The following ARID3A variants were observed in gnomAD, a reference collection of about 807,000 sequenced individuals.
The protein encoded by ARID3A is AT-rich interactive domain-containing protein 3A.
In ARID3A, 11 loss-of-function variants were observed where a neutral mutation model predicts 52.7. The observed-to-expected ratio is 0.21, with a 90% CI of 0.13 to 0.35. ARID3A has a LOEUF of 0.35. Ranked by LOEUF, ARID3A falls within the 10% of genes least tolerant of loss-of-function variation. ARID3A has a pLI of 1.00. For missense variants in ARID3A, 721 were observed against 838.5 expected (o/e 0.86, Z 1.73); for synonymous variants, 404 against 359.4 (o/e 1.12, Z -1.40).
intron 3 of ARID3A, among the ~76,000 whole-genome samples, chr19:948,615 CCTT>C (rs1472950763): frequency 1.3e-5 from 2 of 151,964 alleles, no homozygotes; most frequent in African/African-American, 4.8e-5. Context: ...CGTCTTCATT[CCTT>C]CTTCATTCCT....
Position 929,455 on chromosome 19 carries a change from C to T in ARID3A, c.-74C>T, listed in dbSNP as rs2037269733. ...GGCCGGGCCCCCTCCCCGCAGGGGC[C>T]GCCCCCGCCGCCCACCCCTAGCGCC... On this transcript the variant is annotated 5_prime_UTR_variant, in exon 2 of 9. Transcript: ENST00000263620. The surrounding 1 kb of genome is among the most constrained non-coding windows in gnomAD (Gnocchi z 6.2). 1.3e-5 allele frequency: 17 copies of T among 1,319,074 alleles called. No homozygotes were observed. The highest frequency in any genetic ancestry group is 3.4e-5 in the Admixed American group (1 of 29,788). The allele number at this position is 1,319,074 out of a possible 1,614,324, so 81.7% of individuals were successfully genotyped here.
rs2038105284 is a variant in ARID3A, at chr19:964,478, C to G, written c.950+47C>G. The G allele has an allele frequency of 1.3e-6, 2 of 1,523,892 alleles. No individual in the cohort carries two copies. The highest frequency in any genetic ancestry group is 1.8e-6 in the Non-Finnish European group (2 of 1,131,528). The allele number at this position is 1,523,892 out of a possible 1,614,324, so 94.4% of individuals were successfully genotyped here. On this transcript the variant is annotated intron_variant, in intron 5 of 8. Transcript: ENST00000263620. The surrounding 1 kb of genome is among the most constrained non-coding windows in gnomAD (Gnocchi z 5.7). ...CGAGGTCGGGCCAGGGCACTCTGAG[C>G]AGCCAGTGCAAGGGGCCTGCAGAAG...
chr19:931,581 G>C (rs1004811465), intron 2 of ARID3A, among the ~76,000 whole-genome samples: 2 of 152,200 alleles, frequency 1.3e-5, no homozygotes, highest in Admixed American at 6.5e-5. Flanking sequence ...GGGAGGCCGA[G>C]GTGGGCGGAT....
intron 3 of ARID3A, among the ~76,000 whole-genome samples, chr19:952,844 G>A (rs2037830587): frequency 6.6e-6 from 1 of 152,068 alleles, no homozygotes; most frequent in African/African-American, 2.4e-5. Context: ...CACCGCCCTG[G>A]GCCCCCCGCA....
intron 8 of ARID3A, among the ~76,000 whole-genome samples, chr19:971,216 C>A (rs1332820241): frequency 6.6e-6 from 1 of 152,142 alleles, no homozygotes; most frequent in Non-Finnish European, 1.5e-5. Context: ...GTCTGTAATC[C>A]CAGCACTTTG....
At chr19:963,894 T>C (rs2038093092) in intron 4 of ARID3A, among the ~76,000 whole-genome samples, 1 of 152,172 alleles carries the variant, frequency 6.6e-6, no homozygotes, top group Non-Finnish European at 1.5e-5. Context: ...TAGGCAGAGT[T>C]GTTTTGGCAG....
chr19:963,972 C>T (rs1296906457), intron 4 of ARID3A, among the ~76,000 whole-genome samples: 3 of 152,220 alleles, frequency 2.0e-5, no homozygotes, highest in Non-Finnish European at 4.4e-5. Flanking sequence ...TCCCTCCTCT[C>T]AGTAACCCTC....
rs545038847 is a variant in ARID3A at position 941,243 on chromosome 19, C to G, written c.693+8501C>G. Reference sequence around the variant, plus strand: ...GGGCGTGGTGAGCCGCCGTGGCGTGCGTGCGAGTGTGCACGCTGGGGCTGT... The same window carrying G: ...GGGCGTGGTGAGCCGCCGTGGCGTGGGTGCGAGTGTGCACGCTGGGGCTGT... On this transcript the variant is annotated intron_variant, in intron 3 of 8. Transcript: ENST00000263620. The surrounding 1 kb of genome is among the most constrained non-coding windows in gnomAD (Gnocchi z 6.9). 6.6e-6 allele frequency among the ~76,000 whole-genome samples: 1 copy of G among 152,358 alleles called. No individual in the cohort carries two copies. Among genetic ancestry groups the G allele is most frequent in the South Asian group, 2.1e-4 (1 of 4,834 alleles).
chr19:928,044 G>A (rs1393249482), intron 1 of ARID3A, among the ~76,000 whole-genome samples: 1 of 152,036 alleles, frequency 6.6e-6, no homozygotes, highest in African/African-American at 2.4e-5. Flanking sequence ...GGTGGGGTCG[G>A]GTCACAGGAG....
chr19:949,392 G>A (rs900714122), intron 3 of ARID3A, among the ~76,000 whole-genome samples: 10 of 152,142 alleles, frequency 6.6e-5, no homozygotes, highest in African/African-American at 9.7e-5. Context: ...TCAGGCCTCC[G>A]GGAGGGGGTG....
At chr19:930,850 C>T (rs1057140155) in intron 2 of ARID3A, among the ~76,000 whole-genome samples, 6 of 152,026 alleles carry the variant, frequency 3.9e-5, no homozygotes, top group Non-Finnish European at 5.9e-5. Context: ...ACCTAGCCAC[C>T]GATGGCTACA....
chr19:942,395 C>T lies in ARID3A; in HGVS notation c.693+9653C>T, dbSNP rs1213794426. On this transcript the variant is annotated intron_variant, in intron 3 of 8. Coordinates refer to ENST00000263620, the MANE Select transcript of ARID3A (RefSeq NM_005224.3). This position sits in a 1 kb window ranked among gnomAD's most constrained non-coding sequence, Gnocchi z 8.1. ...GACGCTTGACTCAAGGTCCTCTCCA[C>T]TGGCCGCCGGGAGCCGGGCCGGGAG... Among the ~76,000 whole-genome samples the T allele has an allele frequency of 6.6e-6, 1 of 152,318 alleles. No homozygotes were observed. The highest frequency in any genetic ancestry group is 1.5e-5 in the Non-Finnish European group (1 of 68,018).
In ARID3A at chr19:929,958, C is replaced by A; in HGVS notation, c.368+62C>A. The A allele has an allele frequency of 6.5e-7, 1 of 1,528,872 alleles. No homozygotes were observed. Among genetic ancestry groups the A allele is most frequent in the South Asian group, 1.2e-5 (1 of 83,420 alleles). 94.7% of individuals were successfully genotyped at this position (1,528,872 alleles called of 1,614,324 possible). ...GTTACTGGCTCTGAGTGTCACTCTG[C>A]TCATCTGCAGAATGGGAGTAAGGGT... On this transcript the variant is annotated intron_variant, in intron 2 of 8. Coordinates refer to ENST00000263620, the MANE Select transcript of ARID3A (RefSeq NM_005224.3). The surrounding 1 kb of genome is among the most constrained non-coding windows in gnomAD (Gnocchi z 6.2).
At chr19:937,699 CTTTTT>C (rs951435776) in intron 3 of ARID3A, among the ~76,000 whole-genome samples, 103 of 90,794 alleles carry the variant, frequency 1.1e-3, no homozygotes, top group African/African-American at 4.4e-3. Context: ...TTATTGTCGA[CTTTTT>C]TTTTTTTTTT....
rs866242282 is a variant in ARID3A, at chr19:959,065, C to T, written c.694-1027C>T. ...GCCTGGGTGTGTGGGAGGCTCCACCCGTGAGGTGTGTGTGACTCACTGTTT... is the reference window on the plus strand; with the variant it reads ...GCCTGGGTGTGTGGGAGGCTCCACCTGTGAGGTGTGTGTGACTCACTGTTT... On this transcript the variant is annotated intron_variant, in intron 3 of 8. Transcript: ENST00000263620. This position sits in a 1 kb window ranked among gnomAD's most constrained non-coding sequence, Gnocchi z 5.0. Among the ~76,000 whole-genome samples, 5 of 152,164 alleles carry T rather than the reference C, an allele frequency of 3.3e-5. No individual in the cohort carries two copies. Among genetic ancestry groups the T allele is most frequent in the South Asian group, 2.1e-4 (1 of 4,830 alleles).
rs1293084568 is a variant in ARID3A at position 941,210 on chromosome 19, G to A, written c.693+8468G>A. Reference sequence around the variant, plus strand: ...GAGTGTCCCCGCGTGGTGCCTGGGCGGGGGAATGGGCGTGGTGAGCCGCCG... The same window carrying A: ...GAGTGTCCCCGCGTGGTGCCTGGGCAGGGGAATGGGCGTGGTGAGCCGCCG... On this transcript the variant is annotated intron_variant, in intron 3 of 8. Transcript: ENST00000263620. This position sits in a 1 kb window ranked among gnomAD's most constrained non-coding sequence, Gnocchi z 6.9. 3.9e-5 allele frequency among the ~76,000 whole-genome samples: 6 copies of A among 152,262 alleles called. No homozygotes were observed. Among genetic ancestry groups the A allele is most frequent in the Non-Finnish European group, 8.8e-5 (6 of 68,046 alleles).
intron 2 of ARID3A, among the ~76,000 whole-genome samples, chr19:930,677 C>T (rs552893154): frequency 2.6e-4 from 39 of 150,398 alleles, no homozygotes; most frequent in Middle Eastern, 3.4e-3. Flanking sequence ...GCCTGGCTAA[C>T]TTTTTGTATT....
At chr19:945,728 C>T (rs1568362695) in intron 3 of ARID3A, among the ~76,000 whole-genome samples, 1 of 152,054 alleles carries the variant, frequency 6.6e-6, no homozygotes, top group African/African-American at 2.4e-5. Flanking sequence ...CAGGCAGGCC[C>T]GTGTCCCATT....
rs1326171564 is a variant in ARID3A, at chr19:964,036, C to G, written c.767-212C>G. Among the ~76,000 whole-genome samples, 1 of 152,220 alleles carries G rather than the reference C, an allele frequency of 6.6e-6. No homozygotes were observed. The highest frequency in any genetic ancestry group is 1.5e-5 in the Non-Finnish European group (1 of 68,044). Reference sequence around the variant, plus strand: ...CAGGTTACTGGTGGATAAACCGAGGCAGAGCTGCCCCCTCTGCACCCTCTC... The same window carrying G: ...CAGGTTACTGGTGGATAAACCGAGGGAGAGCTGCCCCCTCTGCACCCTCTC... On this transcript the variant is annotated intron_variant, in intron 4 of 8. Coordinates refer to ENST00000263620, the MANE Select transcript of ARID3A (RefSeq NM_005224.3). The surrounding 1 kb of genome is among the most constrained non-coding windows in gnomAD (Gnocchi z 5.7).
Sources: allele counts gnomAD v4.1 joint callset (sites outside exome capture counted in the v4.1 genomes callset), GRCh38; gene constraint gnomAD v4.1.1; non-coding constraint Gnocchi (gnomAD v3.1); transcripts MANE v1.5; gene names NCBI Gene and HGNC (gene_info 2026-07-23, HGNC 2026-07-21).